The following ZNF835 variants were observed in gnomAD, a reference collection of about 807,000 sequenced individuals.
The protein encoded by ZNF835 is zinc finger protein 835.
For synonymous variants in ZNF835, 323 were observed against 324.7 expected (o/e 0.99, Z 0.06); for missense variants, 783 against 758.4 (o/e 1.03, Z -0.38).
In ZNF835 at chr19:56,665,040, T is replaced by A. The variant is rs1373088921; in HGVS notation, c.159A>T (p.Glu53Asp). The change falls in exon 2 of 2, where the codon GAA becomes GAT. Residue 53 changes from glutamate (E) to aspartate (D), a missense_variant. Glu to Asp is a conservative substitution (Grantham distance 45). Coordinates refer to ENST00000537055, the MANE Select transcript of ZNF835 (RefSeq NM_001005850.3). ...TTGGGATTCGGCTGAATTCATCGCGTTCCTGCATGCTGTCCCCAGCAGGGT... is the reference window on the plus strand; with the variant it reads ...TTGGGATTCGGCTGAATTCATCGCGATCCTGCATGCTGTCCCCAGCAGGGT... ...KGDPAGDSMQ[E>D]RDEFSRIPRT... 1 of 1,614,024 alleles carries A rather than the reference T, an allele frequency of 6.2e-7. No homozygotes were observed. Among genetic ancestry groups the A allele is most frequent in the Non-Finnish European group, 8.5e-7 (1 of 1,179,886 alleles).
intron 1 of ZNF835, among the ~76,000 whole-genome samples, chr19:56,665,994 T>G (rs899035720): frequency 2.0e-5 from 3 of 151,546 alleles, no homozygotes; most frequent in Non-Finnish European, 4.4e-5. Flanking sequence ...AACTGAATTG[T>G]GCCCCCTCAA....
rs922601671 is a variant in ZNF835 at position 56,664,223 on chromosome 19, G to A, written c.976C>T (p.Arg326Cys). Reference protein sequence around the residue: ...SQSASLAEHRRIHTGEKPYAC... With the variant: ...SQSASLAEHRCIHTGEKPYAC... ...TAGGGCTTCTCGCCTGTGTGGATGCGCCGGTGCTCGGCCAGAGAGGCGCTC... is the reference window on the plus strand; with the variant it reads ...TAGGGCTTCTCGCCTGTGTGGATGCACCGGTGCTCGGCCAGAGAGGCGCTC... The change falls in exon 2 of 2, where the codon CGC becomes TGC. Residue 326 changes from arginine to cysteine, a missense_variant. Physicochemically the swap from Arg to Cys is radical, Grantham distance 180. Coordinates refer to ENST00000537055, the MANE Select transcript of ZNF835 (RefSeq NM_001005850.3). 11 of 1,604,052 alleles carry A rather than the reference G, an allele frequency of 6.9e-6. No homozygotes were observed. The highest frequency in any genetic ancestry group is 9.4e-6 in the Non-Finnish European group (11 of 1,174,764).
At chr19:56,667,807 A>AC (rs1163141818) in intron 1 of ZNF835, among the ~76,000 whole-genome samples, 6 of 152,044 alleles carry the variant, frequency 3.9e-5, no homozygotes, top group Non-Finnish European at 8.8e-5. Flanking sequence ...ATAAAAGAGG[A>AC]CCCAGAAGGC....
At chr19:56,668,970 G>A (rs1282670023) in intron 1 of ZNF835, among the ~76,000 whole-genome samples, 2 of 152,194 alleles carry the variant, frequency 1.3e-5, no homozygotes, top group East Asian at 3.9e-4. Flanking sequence ...ACACAAAGGA[G>A]CCCAAGGGGA....
chr19:56,663,376 C>T lies in ZNF835; in HGVS notation c.*209G>A. ...ATAGGTGTTTCTGCAGGTCTACTTG[C>T]CCGTGCCCCATTTATAATTTTGCAC... On this transcript the variant is annotated 3_prime_UTR_variant, in exon 2 of 2. Transcript: ENST00000537055. 1.6e-6 allele frequency: 1 copy of T among 638,814 alleles called. No homozygotes were observed. Among genetic ancestry groups the T allele is most frequent in the Non-Finnish European group, 2.7e-6 (1 of 373,780 alleles). 39.6% of individuals were successfully genotyped at this position (638,814 alleles called of 1,614,324 possible).
Position 56,670,095 on chromosome 19 carries a change from T to C in ZNF835, c.-48+1481A>G, listed in dbSNP as rs750805138. On this transcript the variant is annotated intron_variant, in intron 1 of 1. Transcript: ENST00000537055. ...GAGTCCTCCATTAGCATAAATGTACTTGGGGGCCTATCAGGAGTCCTCCAT... is the reference window on the plus strand; with the variant it reads ...GAGTCCTCCATTAGCATAAATGTACCTGGGGGCCTATCAGGAGTCCTCCAT... 1.7e-3 allele frequency among the ~76,000 whole-genome samples: 213 copies of C among 128,214 alleles called. 1 individual carries two copies. Among genetic ancestry groups the C allele is most frequent in the Non-Finnish European group, 2.7e-3 (163 of 60,924 alleles). 84.1% of individuals were successfully genotyped at this position (128,214 alleles called of 152,430 possible).
rs2045202364 is a variant in ZNF835, at chr19:56,663,336, A to C, written c.*249T>G. 5.3e-6 allele frequency: 3 copies of C among 564,996 alleles called. No homozygotes were observed. The highest frequency in any genetic ancestry group is 6.3e-5 in the Admixed American group (2 of 31,642). The allele number at this position is 564,996 out of a possible 1,614,324, so 35.0% of individuals were successfully genotyped here. On this transcript the variant is annotated 3_prime_UTR_variant, in exon 2 of 2. Transcript: ENST00000537055. ...ACTGTCTCAAAGAAAAAAAGAAAGA[A>C]ATTAAAGGCCAGCCATAGGTGTTTC...
rs1313903283 is a variant in ZNF835, at chr19:56,663,114, T to C, written c.*471A>G. 3 of 158,956 alleles carry C rather than the reference T, an allele frequency of 1.9e-5. No individual in the cohort carries two copies. Among genetic ancestry groups the C allele is most frequent in the East Asian group, 1.9e-4 (1 of 5,248 alleles). 9.8% of individuals were successfully genotyped at this position (158,956 alleles called of 1,614,324 possible). ...AGGCGGAGGTTGCAGTGAGCCGAGATTGCATCACTGCACTCCAGCCTGGGC... is the reference window on the plus strand; with the variant it reads ...AGGCGGAGGTTGCAGTGAGCCGAGACTGCATCACTGCACTCCAGCCTGGGC... On this transcript the variant is annotated 3_prime_UTR_variant, in exon 2 of 2. Coordinates refer to ENST00000537055, the MANE Select transcript of ZNF835 (RefSeq NM_001005850.3).
In ZNF835 at chr19:56,663,571, G is replaced by A. The variant is rs2045204535; in HGVS notation, c.*14C>T. ...CCCATAGCATTGTGAGGTTGGAAAGGAGGCCCTCAGCTCTTAATCTTCTGC... is the reference window on the plus strand; with the variant it reads ...CCCATAGCATTGTGAGGTTGGAAAGAAGGCCCTCAGCTCTTAATCTTCTGC... On this transcript the variant is annotated 3_prime_UTR_variant, in exon 2 of 2. Coordinates refer to ENST00000537055, the MANE Select transcript of ZNF835 (RefSeq NM_001005850.3). 2.5e-6 allele frequency: 4 copies of A among 1,613,752 alleles called. No homozygotes were observed. The highest frequency in any genetic ancestry group is 2.5e-6 in the Non-Finnish European group (3 of 1,179,870).
intron 1 of ZNF835, among the ~76,000 whole-genome samples, chr19:56,666,387 G>A (rs2045246242): frequency 6.6e-6 from 1 of 152,190 alleles, no homozygotes; most frequent in African/African-American, 2.4e-5. Context: ...GATTACAGGC[G>A]TGAGCCACCG....
intron 1 of ZNF835, 62 bp from the exon 2 acceptor site, chr19:56,665,307 G>A (rs2045236525): frequency 1.4e-6 from 2 of 1,439,116 alleles, no homozygotes; most frequent in Non-Finnish European, 9.6e-7. Flanking sequence ...CTGGAAAAAT[G>A]GCTAACAGCT....
chr19:56,671,736 T>G lies in ZNF835; in HGVS notation c.-208A>C, dbSNP rs1284112147. The G allele has an allele frequency of 2.6e-5, 4 of 152,298 alleles. No homozygotes were observed. The highest frequency in any genetic ancestry group is 4.8e-5 in the African/African-American group (2 of 41,468). 9.4% of individuals were successfully genotyped at this position (152,298 alleles called of 1,614,324 possible). On this transcript the variant is annotated 5_prime_UTR_variant, in exon 1 of 2. Transcript: ENST00000537055. ...GAGCTAAGGTCAAGACTTCTGCTGC[T>G]GCGGAGGAGCCCGCGCACCAGGCCG...
At chr19:56,665,535 T>C in intron 1 of ZNF835, 3 of 552,474 alleles carry the variant, frequency 5.4e-6, no homozygotes, top group Non-Finnish European at 1.0e-5. Context: ...ATGCCTGCAA[T>C]CCCAGCACTT....
chr19:56,671,002 T>C (rs1053618062), intron 1 of ZNF835, among the ~76,000 whole-genome samples: 2 of 152,262 alleles, frequency 1.3e-5, no homozygotes, highest in African/African-American at 4.8e-5. Context: ...TGCCTTTACC[T>C]GCAGTCACCT....
rs2045211467 is a variant in ZNF835, at chr19:56,663,922, G to T, written c.1277C>A (p.Ala426Asp). The change falls in exon 2 of 2, where the codon GCT becomes GAT. Residue 426 changes from alanine to aspartate, a missense_variant. Coordinates refer to ENST00000537055, the MANE Select transcript of ZNF835 (RefSeq NM_001005850.3). ...GGCGAGCGAGGAGCCCTGGCTGAAA[G>T]CTTTGCCGCACTCGCCGCACTTGTA... is the stretch of plus-strand genomic sequence containing the variant. ...RPYKCGECGK[A>D]FSQGSSLALH... 3 of 1,608,284 alleles carry T rather than the reference G, an allele frequency of 1.9e-6. No homozygotes were observed. Among genetic ancestry groups the T allele is most frequent in the Non-Finnish European group, 2.6e-6 (3 of 1,176,068 alleles).
At position 56,664,972 on chromosome 19, in the gene ZNF835, T is replaced by C. The variant is rs778542856; in HGVS notation, c.227A>G (p.Asp76Gly). 2 of 1,613,936 alleles carry C rather than the reference T, an allele frequency of 1.2e-6. No homozygotes were observed. The highest frequency in any genetic ancestry group is 2.7e-5 in the African/African-American group (2 of 74,934). The change falls in exon 2 of 2, where the codon GAC (aspartate) becomes GGC (glycine). Residue 76 changes from aspartate (D) to glycine (G), a missense_variant. Physicochemically the swap from Asp to Gly is moderately conservative, Grantham distance 94. Coordinates refer to ENST00000537055, the MANE Select transcript of ZNF835 (RefSeq NM_001005850.3). The stretch of plus-strand genomic sequence containing the variant: ...GCTGCACCTCCGGGAACTGCTGTCG[T>C]CGGGGACACTGGCTTGGGTAGCAGC... ...SPAATQASVPDDSSSRRCSAP... is the reference protein window; with the variant it reads ...SPAATQASVPGDSSSRRCSAP...
chr19:56,664,613 AGCGGTGCG>A lies in ZNF835; in HGVS notation c.578_585del (p.Pro193LeufsTer52), dbSNP rs1409739210. 3.1e-6 allele frequency: 5 copies of A among 1,606,222 alleles called. No homozygotes were observed. Among genetic ancestry groups the A allele is most frequent in the East Asian group, 2.2e-5 (1 of 44,566 alleles). On this transcript the variant is annotated frameshift_variant, in exon 2 of 2. Coordinates refer to ENST00000537055, the MANE Select transcript of ZNF835 (RefSeq NM_001005850.3). LOFTEE classifies it low-confidence loss of function (END_TRUNC). ...GTGAAGGCCTTGCCGCAGTCGGCGC[AGCGGTGCG>A]GCTTCTCGCCCGTGTGCGTGCGCCA...
At chr19:56,665,341 G>C in intron 1 of ZNF835, 96 bp from the exon 2 acceptor site, 1 of 1,130,258 alleles carries the variant, frequency 8.8e-7, no homozygotes, top group Non-Finnish European at 1.3e-6. Context: ...CTTAGCATGG[G>C]GTCCCTGGAC....
rs2045208602 is a variant in ZNF835 at position 56,663,797 on chromosome 19, G to A, written c.1402C>T (p.His468Tyr). 1 of 1,614,000 alleles carries A rather than the reference G, an allele frequency of 6.2e-7. No individual in the cohort carries two copies. Among genetic ancestry groups the A allele is most frequent in the South Asian group, 1.1e-5 (1 of 91,092 alleles). ...RSYLIQHHIV[H>Y]TGEKPYECSG... ...CACTCGTAGGGCTTCTCCCCGGTGT[G>A]CACGATGTGGTGCTGGATCAGGTAG... Residue 468 changes from histidine (H) to tyrosine (Y), a missense_variant, in exon 2 of 2, where the codon CAC becomes TAC. Physicochemically the swap from His to Tyr is moderately conservative, Grantham distance 83. Coordinates refer to ENST00000537055, the MANE Select transcript of ZNF835 (RefSeq NM_001005850.3).
Sources: gnomAD v4.1 joint callset for allele counts (sites outside exome capture counted in the v4.1 genomes callset) on GRCh38, gnomAD v4.1.1 for gene constraint, MANE v1.5 for transcripts, NCBI Gene and HGNC (gene_info 2026-07-23, HGNC 2026-07-21) for gene names.